The following ADAMTS18 variants were observed in gnomAD, a reference collection of about 807,000 sequenced individuals.
The protein encoded by ADAMTS18 is ADAM metallopeptidase with thrombospondin type 1 motif 18.
ADAMTS18 carries 157 observed loss-of-function variants against 165.9 expected under a neutral mutation model. That is an observed-to-expected ratio of 0.95 (90% confidence interval 0.83 to 1.08). The LOEUF (loss-of-function observed/expected upper bound fraction) is 1.08, where lower values mean the gene tolerates loss of function less well. ADAMTS18 is among the 50% of genes least tolerant of loss of function. ADAMTS18 has a pLI of 0.00. For missense variants in ADAMTS18, 2,040 were observed against 1,534.0 expected (o/e 1.33, Z -5.51); for synonymous variants, 782 against 578.2 (o/e 1.35, Z -5.06).
chr16:77,299,112 T>A (rs145225846), intron 17 of ADAMTS18, among the ~76,000 whole-genome samples: 1 of 152,212 alleles, frequency 6.6e-6, no homozygotes, highest in African/African-American at 2.4e-5. Flanking sequence ...AAAGACCTCA[T>A]AATCTGTGAC....
chr16:77,335,449 AT>A (rs2056293145), intron 12 of ADAMTS18, among the ~76,000 whole-genome samples: 2 of 152,162 alleles, frequency 1.3e-5, no homozygotes, highest in South Asian at 2.1e-4. Flanking sequence ...ATAGTTAACA[AT>A]TCATTGTATA....
At chr16:77,347,994 A>C (rs574680053) in intron 10 of ADAMTS18, among the ~76,000 whole-genome samples, 3 of 152,202 alleles carry the variant, frequency 2.0e-5, no homozygotes, top group Non-Finnish European at 2.9e-5. Context: ...CTGATACATA[A>C]TAAGCACTGA....
intron 16 of ADAMTS18, among the ~76,000 whole-genome samples, chr16:77,305,718 T>C (rs1416186662): frequency 1.3e-5 from 2 of 152,204 alleles, no homozygotes; most frequent in African/African-American, 2.4e-5. Context: ...GCCTTGATTA[T>C]ATCTCAGCAC....
rs533021651 is a variant in ADAMTS18 at position 77,427,925 on chromosome 16, G to A, written c.495+3370C>T. On this transcript the variant is annotated intron_variant, in intron 3 of 22. Coordinates refer to ENST00000282849, the MANE Select transcript of ADAMTS18 (RefSeq NM_199355.4). Reference sequence around the variant, plus strand: ...CGCATGTCTGCTTATATGTATGTACGTACATACGTATTCACTATTATAACC... The same window carrying A: ...CGCATGTCTGCTTATATGTATGTACATACATACGTATTCACTATTATAACC... Among the ~76,000 whole-genome samples, 447 of 152,296 alleles carry A rather than the reference G, an allele frequency of 2.9e-3. 3 individuals carry two copies. The highest frequency in any genetic ancestry group is 0.01 in the African/African-American group (418 of 41,568).
Position 77,325,964 on chromosome 16 carries a change from T to C in ADAMTS18, c.1934A>G (p.Glu645Gly). Residue 645 changes from glutamate (E) to glycine (G), a missense_variant, in exon 13 of 23, where the codon GAA becomes GGA. Transcript: ENST00000282849. ...TTGAGCCCGAAAATCCAAGCTATTT[T>C]CATTGCAAGGGTTAATATTGCACAG... is the stretch of plus-strand genomic sequence containing the variant. The part of the protein sequence containing the change: ...YQLCNINPCN[E>G]NSLDFRAQQC... 12 of 1,614,078 alleles carry C rather than the reference T, an allele frequency of 7.4e-6. No homozygotes were observed. Among genetic ancestry groups the C allele is most frequent in the Non-Finnish European group, 1.0e-5 (12 of 1,179,968 alleles).
chr16:77,291,581 G>C, intron 20 of ADAMTS18, 103 bp from the exon 21 acceptor site: 2 of 1,152,132 alleles, frequency 1.7e-6, no homozygotes. Context: ...TGAAATAGGA[G>C]GGATGGGATT....
intron 3 of ADAMTS18, among the ~76,000 whole-genome samples, chr16:77,403,037 C>T (rs1216773703): frequency 1.3e-5 from 2 of 152,140 alleles, no homozygotes; most frequent in African/African-American, 2.4e-5. Context: ...ATATTAACCG[C>T]TTATTATGTG....
chr16:77,299,168 A>G (rs1427548927), intron 17 of ADAMTS18, among the ~76,000 whole-genome samples: 1 of 152,276 alleles, frequency 6.6e-6, no homozygotes, highest in Non-Finnish European at 1.5e-5. Flanking sequence ...ATTTCAGTAC[A>G]GAGGGATACA....
chr16:77,335,006 T>A (rs2056284830), intron 12 of ADAMTS18, among the ~76,000 whole-genome samples: 1 of 144,066 alleles, frequency 6.9e-6, no homozygotes, highest in Non-Finnish European at 1.5e-5. Context: ...TGTATATTAA[T>A]AGTATATAGT....
chr16:77,288,035 TCTTTCATGTAGCCCTACAC>T (rs2055289176), intron 22 of ADAMTS18, among the ~76,000 whole-genome samples: 1 of 152,150 alleles, frequency 6.6e-6, no homozygotes, highest in South Asian at 2.1e-4. Flanking sequence ...TTTCACATGA[TCTTTCATGTAGCCCTACAC>T]TCATGCATTT....
At chr16:77,431,870 G>C (rs562002148) in intron 2 of ADAMTS18, 12 of 543,174 alleles carry the variant, frequency 2.2e-5, no homozygotes, top group Admixed American at 9.2e-5. Context: ...GTGGAAAAAT[G>C]TAACACCTCT....
At chr16:77,425,134 G>C (rs530403099) in intron 3 of ADAMTS18, among the ~76,000 whole-genome samples, 3 of 152,248 alleles carry the variant, frequency 2.0e-5, no homozygotes, top group Admixed American at 1.3e-4. Flanking sequence ...AAGAACCCAG[G>C]CTCTCTGGAG....
chr16:77,334,446 T>C (rs1365706464), intron 12 of ADAMTS18, among the ~76,000 whole-genome samples: 2 of 113,062 alleles, frequency 1.8e-5, no homozygotes, highest in African/African-American at 7.4e-5. Context: ...TATTATAGTA[T>C]ATATTATATA....
chr16:77,423,189 T>C (rs1235872850), intron 3 of ADAMTS18, among the ~76,000 whole-genome samples: 1 of 152,198 alleles, frequency 6.6e-6, no homozygotes, highest in African/African-American at 2.4e-5. Context: ...TGCAGTTAAA[T>C]GTTCTAAAGG....
At chr16:77,372,257 C>T (rs1208002356) in intron 3 of ADAMTS18, among the ~76,000 whole-genome samples, 1 of 152,148 alleles carries the variant, frequency 6.6e-6, no homozygotes, top group Non-Finnish European at 1.5e-5. Flanking sequence ...CCAGCAATCC[C>T]ACTACCGGGT....
intron 3 of ADAMTS18, among the ~76,000 whole-genome samples, chr16:77,390,060 A>G (rs1463983510): frequency 1.3e-5 from 2 of 152,162 alleles, no homozygotes; most frequent in African/African-American, 4.8e-5. Flanking sequence ...GCTTTACCCT[A>G]AGAAAAATGC....
intron 12 of ADAMTS18, among the ~76,000 whole-genome samples, 189 bp from the exon 13 acceptor site, chr16:77,326,227 A>G (rs62044894): frequency 0.37 from 55,674 of 151,724 alleles, 11,713 homozygotes; most frequent in East Asian, 0.88. Context: ...TAGGCTAGAC[A>G]TAACTAATCA....
At chr16:77,358,169 GTGTGTCTAAA>G (rs1170065005) in intron 8 of ADAMTS18, among the ~76,000 whole-genome samples, 4 of 152,126 alleles carry the variant, frequency 2.6e-5, no homozygotes, top group Non-Finnish European at 5.9e-5. Flanking sequence ...AAGTGTGCAT[GTGTGTCTAAA>G]TGTGTGTGTG....
chr16:77,406,421 T>C (rs80141193), intron 3 of ADAMTS18, among the ~76,000 whole-genome samples: 2,034 of 152,192 alleles, frequency 0.013, 32 homozygotes, highest in South Asian at 0.077. Flanking sequence ...AAGATCACGA[T>C]TGAAACAAAG....
Sources: gnomAD v4.1 joint callset for allele counts (sites outside exome capture counted in the v4.1 genomes callset) on GRCh38, gnomAD v4.1.1 for gene constraint, MANE v1.5 for transcripts, NCBI Gene and HGNC (gene_info 2026-07-23, HGNC 2026-07-21) for gene names.